The following CTNNA3 variants were observed in gnomAD, a reference collection of about 807,000 sequenced individuals.
The protein encoded by CTNNA3 is catenin alpha-3.
Under a neutral mutation model 95.7 loss-of-function variants are expected in CTNNA3, and 76 were observed. The ratio of observed to expected loss-of-function variants is 0.79; its 90% CI spans 0.66 to 0.96. The LOEUF (loss-of-function observed/expected upper bound fraction) is 0.96. CTNNA3 is among the 40% of genes least tolerant of loss of function. The probability of loss-of-function intolerance (pLI) is 0.00; values close to 1 mark genes in which losing one functional copy is unlikely to be tolerated. For missense variants in CTNNA3, 1,191 were observed against 1,089.8 expected (o/e 1.09, Z -1.31); for synonymous variants, 431 against 374.4 (o/e 1.15, Z -1.74).
rs780430896 is a variant in CTNNA3, at chr10:67,100,625, T to C, written c.1047+79692A>G. 4.9e-4 allele frequency among the ~76,000 whole-genome samples: 75 copies of C among 151,718 alleles called. 1 individual carries two copies. Among genetic ancestry groups the C allele is most frequent in the Non-Finnish European group, 9.0e-4 (61 of 67,800 alleles). ...TCCTCACCGATTTAAACAACTGAAATGTTTACTTATGTTTGGAGCTGAAAA... is the reference window on the plus strand; with the variant it reads ...TCCTCACCGATTTAAACAACTGAAACGTTTACTTATGTTTGGAGCTGAAAA... On this transcript the variant is annotated intron_variant, in intron 7 of 17. Transcript: ENST00000433211.
At position 66,428,027 on chromosome 10, in the gene CTNNA3, A is replaced by G. The variant is rs576466142; in HGVS notation, c.1532-48675T>C. Among the ~76,000 whole-genome samples the G allele has an allele frequency of 5.7e-4, 87 of 152,294 alleles. 1 individual carries two copies. The highest frequency in any genetic ancestry group is 1.0e-3 in the South Asian group (5 of 4,830). ...AAACCCATCTCACGTGCAGAGACAC[A>G]CATGGGCTCAAAATAAAAGGATGGA... On this transcript the variant is annotated intron_variant, in intron 11 of 17. Coordinates refer to ENST00000433211, the MANE Select transcript of CTNNA3 (RefSeq NM_013266.4).
intron 1 of CTNNA3, among the ~76,000 whole-genome samples, chr10:67,756,903 T>C (rs1841436664): frequency 6.6e-6 from 1 of 152,172 alleles, no homozygotes. Flanking sequence ...AAAAAATATA[T>C]ATAAGTATAG....
intron 7 of CTNNA3, among the ~76,000 whole-genome samples, chr10:67,043,837 CT>C (rs563288254): frequency 3.3e-5 from 5 of 151,790 alleles, no homozygotes; most frequent in Admixed American, 1.3e-4. Flanking sequence ...GTGAGGACTA[CT>C]TTTTTTTCTG....
chr10:67,199,463 G>A (rs1310402571), intron 6 of CTNNA3, among the ~76,000 whole-genome samples: 2 of 151,996 alleles, frequency 1.3e-5, no homozygotes, highest in Admixed American at 6.6e-5. Flanking sequence ...TCCGCCTCCC[G>A]AGTTCAAGCG....
At chr10:67,621,488 GC>G (rs1311552427) in intron 2 of CTNNA3, among the ~76,000 whole-genome samples, 2 of 152,064 alleles carry the variant, frequency 1.3e-5, no homozygotes, top group Non-Finnish European at 2.9e-5. Flanking sequence ...AGTGGCTCAC[GC>G]CTGTAATCCC....
intron 10 of CTNNA3, among the ~76,000 whole-genome samples, chr10:66,568,756 A>T (rs1427450607): frequency 2.0e-5 from 3 of 151,778 alleles, no homozygotes; most frequent in Non-Finnish European, 2.9e-5. Flanking sequence ...TGCTTGTACC[A>T]AATCAGATGT....
intron 7 of CTNNA3, among the ~76,000 whole-genome samples, chr10:67,156,636 T>C (rs1239504630): frequency 6.6e-6 from 1 of 151,956 alleles, no homozygotes; most frequent in African/African-American, 2.4e-5. Flanking sequence ...TCAACTGTGG[T>C]CAGAAAAAAA....
intron 5 of CTNNA3, among the ~76,000 whole-genome samples, chr10:67,239,345 A>G (rs1865624386): frequency 7.0e-6 from 1 of 142,152 alleles, no homozygotes; most frequent in South Asian, 2.3e-4. Context: ...TGAAAAAGAA[A>G]AAAAGACAGC....
At chr10:67,391,317 A>G (rs1460400737) in intron 5 of CTNNA3, among the ~76,000 whole-genome samples, 5 of 151,252 alleles carry the variant, frequency 3.3e-5, no homozygotes, top group African/African-American at 1.2e-4. Flanking sequence ...TGCTTCAAAG[A>G]GAATAAAATA....
chr10:66,851,030 T>C (rs1290521162), intron 7 of CTNNA3, among the ~76,000 whole-genome samples: 3 of 152,164 alleles, frequency 2.0e-5, no homozygotes, highest in East Asian at 1.9e-4. Context: ...TTGCATGACA[T>C]TTAATGCCCT....
chr10:67,312,768 G>A (rs1225170969), intron 5 of CTNNA3, among the ~76,000 whole-genome samples: 1 of 152,190 alleles, frequency 6.6e-6, no homozygotes, highest in African/African-American at 2.4e-5. Flanking sequence ...GGACAGATGG[G>A]TGGATATATG....
intron 11 of CTNNA3, among the ~76,000 whole-genome samples, chr10:66,382,046 A>G (rs772057659): frequency 3.3e-5 from 5 of 152,102 alleles, no homozygotes; most frequent in African/African-American, 4.8e-5. Flanking sequence ...TGCATTTCCA[A>G]CTGAAGTACC....
At chr10:66,241,221 G>A (rs1412686906) in intron 13 of CTNNA3, among the ~76,000 whole-genome samples, 4 of 152,086 alleles carry the variant, frequency 2.6e-5, no homozygotes, top group Non-Finnish European at 5.9e-5. Context: ...AATTGAGTAA[G>A]GTCAATGAAA....
At chr10:66,922,642 G>A (rs1176985535) in intron 7 of CTNNA3, among the ~76,000 whole-genome samples, 1 of 152,184 alleles carries the variant, frequency 6.6e-6, no homozygotes, top group East Asian at 1.9e-4. Context: ...GGCTGACTCA[G>A]TCCAAGAGTG....
At chr10:67,598,732 C>G (rs938666766) in intron 3 of CTNNA3, among the ~76,000 whole-genome samples, 3 of 152,080 alleles carry the variant, frequency 2.0e-5, no homozygotes, top group Non-Finnish European at 4.4e-5. Context: ...TCCACTGGGA[C>G]AGCATAGGGC....
intron 7 of CTNNA3, among the ~76,000 whole-genome samples, chr10:66,858,961 T>C (rs965619714): frequency 6.6e-6 from 1 of 152,092 alleles, no homozygotes; most frequent in Non-Finnish European, 1.5e-5. Context: ...TTCCAGATTG[T>C]ATTTTATCTA....
At chr10:66,995,089 G>C (rs548799583) in intron 7 of CTNNA3, among the ~76,000 whole-genome samples, 2 of 152,122 alleles carry the variant, frequency 1.3e-5, no homozygotes, top group Non-Finnish European at 2.9e-5. Flanking sequence ...TTGAGCAACA[G>C]ACCCATGTTT....
intron 15 of CTNNA3, among the ~76,000 whole-genome samples, chr10:66,015,914 G>A (rs2079087896): frequency 6.6e-6 from 1 of 152,056 alleles, no homozygotes; most frequent in African/African-American, 2.4e-5. Flanking sequence ...CAGCAATTTA[G>A]CAAGTATGAT....
chr10:66,689,694 G>A (rs915219143), intron 9 of CTNNA3, among the ~76,000 whole-genome samples: 11 of 152,094 alleles, frequency 7.2e-5, no homozygotes, highest in Admixed American at 5.2e-4. Context: ...CCTTAATGAG[G>A]AGTCCAATAA....
Sources: allele counts gnomAD v4.1 joint callset (sites outside exome capture counted in the v4.1 genomes callset), GRCh38; gene constraint gnomAD v4.1.1; transcripts MANE v1.5; gene names NCBI Gene and HGNC (gene_info 2026-07-23, HGNC 2026-07-21).